The following PCDH7 variants were observed in gnomAD, a reference collection of about 807,000 sequenced individuals.
PCDH7 encodes the protein protocadherin-7.
Under a neutral mutation model 58.9 loss-of-function variants are expected in PCDH7, and 17 were observed. The ratio of observed to expected loss-of-function variants is 0.29; its 90% CI spans 0.20 to 0.43. PCDH7 has a LOEUF of 0.43. Among genes scored for constraint, PCDH7 ranks in the 20% least tolerant of loss-of-function variants. The pLI is 1.00. For missense variants in PCDH7, 1,274 were observed against 1,441.0 expected (o/e 0.88, Z 1.88); for synonymous variants, 664 against 616.4 (o/e 1.08, Z -1.14).
rs539112332 is a variant in PCDH7, at chr4:31,078,636, C to A, written c.*8-63837C>A. ...AGAACCACAGAACCATGAACCATGC[C>A]CCATTTTTTTTTTTTTTTTTTTTTT... is the stretch of plus-strand genomic sequence containing the variant. On this transcript the variant is annotated intron_variant, in intron 3 of 3. Transcript: ENST00000509759. Among the ~76,000 whole-genome samples, 957 of 99,370 alleles carry A rather than the reference C, an allele frequency of 9.6e-3. 6 individuals are homozygous for A. Among genetic ancestry groups the A allele is most frequent in the Non-Finnish European group, 0.014 (707 of 49,932 alleles). The allele number at this position is 99,370 out of a possible 152,430, so 65.2% of individuals were successfully genotyped here. A position where few individuals can be genotyped will look rare whatever the true frequency, so the allele number is the denominator to read the frequency against.
At chr4:31,071,505 T>C (rs1347040659) in intron 3 of PCDH7, among the ~76,000 whole-genome samples, 2 of 152,108 alleles carry the variant, frequency 1.3e-5, no homozygotes, top group Non-Finnish European at 2.9e-5. Context: ...CCTATCATAA[T>C]GATGCTTTGG....
intron 3 of PCDH7, among the ~76,000 whole-genome samples, chr4:30,980,471 A>G (rs1578478658): frequency 6.6e-6 from 1 of 152,178 alleles, no homozygotes; most frequent in Non-Finnish European, 1.5e-5. Context: ...AGCAAAATTT[A>G]GTCTAGGCAA....
intron 1 of PCDH7, among the ~76,000 whole-genome samples, chr4:30,793,479 A>C (rs1380339372): frequency 6.6e-6 from 1 of 152,112 alleles, no homozygotes; most frequent in Non-Finnish European, 1.5e-5. Context: ...AATTAGCATG[A>C]TGTTTCATGT....
intron 3 of PCDH7, among the ~76,000 whole-genome samples, chr4:31,002,377 A>G (rs899157662): frequency 2.0e-5 from 3 of 152,264 alleles, no homozygotes; most frequent in Non-Finnish European, 4.4e-5. Context: ...TTAATAGCCC[A>G]GCAGTTTCAC....
chr4:30,944,397 A>G (rs1746429308), intron 2 of PCDH7, among the ~76,000 whole-genome samples: 1 of 152,120 alleles, frequency 6.6e-6, no homozygotes, highest in Non-Finnish European at 1.5e-5. Flanking sequence ...ATTATTTTAA[A>G]AGTGTTTTTA....
At chr4:31,012,144 T>G (rs184372721) in intron 3 of PCDH7, among the ~76,000 whole-genome samples, 1 of 152,248 alleles carries the variant, frequency 6.6e-6, no homozygotes, top group Non-Finnish European at 1.5e-5. Context: ...ACATAGTTTC[T>G]TGCAAGAAAA....
chr4:31,039,321 T>C (rs918873295), intron 3 of PCDH7, among the ~76,000 whole-genome samples: 2 of 152,230 alleles, frequency 1.3e-5, no homozygotes, highest in African/African-American at 4.8e-5. Context: ...GTCTTCCTCA[T>C]TAAGAAGAAG....
At chr4:30,729,453 C>T (rs1424097686) in intron 1 of PCDH7, among the ~76,000 whole-genome samples, 1 of 151,622 alleles carries the variant, frequency 6.6e-6, no homozygotes, top group African/African-American at 2.4e-5. Context: ...AATTCTTTTC[C>T]CTCATGTAGG....
chr4:30,953,124 A>T (rs1318674903), intron 3 of PCDH7, among the ~76,000 whole-genome samples: 1 of 152,110 alleles, frequency 6.6e-6, no homozygotes, highest in East Asian at 1.9e-4. Flanking sequence ...CATTTATAAG[A>T]CTTGCTTATC....
At chr4:30,887,125 G>A (rs541457409) in intron 1 of PCDH7, among the ~76,000 whole-genome samples, 16 of 152,010 alleles carry the variant, frequency 1.1e-4, no homozygotes, top group South Asian at 6.2e-4. Flanking sequence ...AAAACTTAAA[G>A]TATAATAATA....
In PCDH7 at chr4:30,959,147, G is replaced by A. The variant is rs189157289; in HGVS notation, c.*7+8932G>A. 1.8e-3 allele frequency among the ~76,000 whole-genome samples: 280 copies of A among 152,096 alleles called. 2 individuals carry two copies. Among genetic ancestry groups the A allele is most frequent in the South Asian group, 6.2e-3 (30 of 4,830 alleles). On this transcript the variant is annotated intron_variant, in intron 3 of 3. Transcript: ENST00000509759. The stretch of plus-strand genomic sequence containing the variant: ...CTTTAATATATGTTTGCTTTTACCT[G>A]CAATTGTATTTATGAGATTCACTGA...
At chr4:31,008,354 T>C (rs1752940214) in intron 3 of PCDH7, among the ~76,000 whole-genome samples, 1 of 152,178 alleles carries the variant, frequency 6.6e-6, no homozygotes, top group Non-Finnish European at 1.5e-5. Flanking sequence ...AAGAATGATA[T>C]GATGGTTCGT....
At chr4:30,811,233 T>G (rs1027179688) in intron 1 of PCDH7, among the ~76,000 whole-genome samples, 2 of 152,104 alleles carry the variant, frequency 1.3e-5, no homozygotes, top group African/African-American at 4.8e-5. Flanking sequence ...TTGATAGGAG[T>G]TGGCAAAGAT....
chr4:30,816,733 T>C (rs1321773624), intron 1 of PCDH7, among the ~76,000 whole-genome samples: 5 of 152,150 alleles, frequency 3.3e-5, no homozygotes, highest in African/African-American at 1.2e-4. Context: ...ATGTTTTCTA[T>C]AGTGAATTTG....
intron 1 of PCDH7, among the ~76,000 whole-genome samples, chr4:30,775,465 G>A (rs534336912): frequency 6.6e-6 from 1 of 152,214 alleles, no homozygotes; most frequent in East Asian, 1.9e-4. Context: ...TTTCAAGACA[G>A]CATCACTGAA....
At chr4:31,144,444 C>G (rs1179046727), downstream of PCDH7, 2 of 152,162 alleles carry the variant, frequency 1.3e-5, no homozygotes, top group African/African-American at 4.8e-5. Context: ...CTGGGACATT[C>G]AGACGAAAGT....
intron 3 of PCDH7, among the ~76,000 whole-genome samples, chr4:31,074,784 CAAAAAAAA>C (rs1157267696): frequency 3.8e-5 from 2 of 52,488 alleles, no homozygotes; most frequent in East Asian, 1.0e-3. Flanking sequence ...GATTCCGTCT[CAAAAAAAA>C]AAAAAAAAAA....
In PCDH7 at chr4:31,122,010, AT is replaced by A. The variant is rs1007541524; in HGVS notation, c.*8-20453del. On this transcript the variant is annotated intron_variant, in intron 3 of 3. Coordinates refer to the PCDH7 transcript ENST00000509759. ...GTAGCCAGAAGTTTTCGGAGATTTT[AT>A]TTTTTTTTTCCCCAAAAGAAGCAAA... Among the ~76,000 whole-genome samples, 386 of 149,560 alleles carry A rather than the reference AT, an allele frequency of 2.6e-3. 3 individuals are homozygous for A. The highest frequency in any genetic ancestry group is 8.9e-3 in the African/African-American group (362 of 40,850).
intron 1 of PCDH7, among the ~76,000 whole-genome samples, chr4:30,896,998 G>A (rs943514989): frequency 7.3e-6 from 1 of 136,646 alleles, no homozygotes; most frequent in Non-Finnish European, 1.5e-5. Context: ...TCTGCCTCCC[G>A]AGTTCATGCC....
Sources: allele counts gnomAD v4.1 joint callset (sites outside exome capture counted in the v4.1 genomes callset), GRCh38; gene constraint gnomAD v4.1.1; transcripts MANE v1.5; gene names NCBI Gene and HGNC (gene_info 2026-07-23, HGNC 2026-07-21).